AFG1L: variants seen among roughly 807,000 people sequenced by gnomAD.
AFG1L encodes AFG1-like ATPase.
AFG1L carries 53 observed loss-of-function variants against 62.2 expected under a neutral mutation model. The ratio of observed to expected loss-of-function variants is 0.85; its 90% confidence interval spans 0.68 to 1.07. The LOEUF (loss-of-function observed/expected upper bound fraction) is 1.07, where lower values mean the gene tolerates loss of function less well. Ranked by LOEUF, AFG1L falls within the 50% of genes least tolerant of loss-of-function variation. The probability of loss-of-function intolerance (pLI) is 0.00; values close to 1 mark genes in which losing one functional copy is unlikely to be tolerated. For synonymous variants in AFG1L, 228 were observed against 210.3 expected (o/e 1.08, Z -0.73); for missense variants, 555 against 590.5 (o/e 0.94, Z 0.62).
At chr6:108,455,514 T>C (rs2114768738) in intron 8 of AFG1L, among the ~76,000 whole-genome samples, 1 of 152,332 alleles carries the variant, frequency 6.6e-6, no homozygotes, top group South Asian at 2.1e-4. Flanking sequence ...ACTTTCATTA[T>C]TTCCTTTCTT....
chr6:108,302,395 A>G (rs1281176191), intron 1 of AFG1L, among the ~76,000 whole-genome samples: 1 of 152,022 alleles, frequency 6.6e-6, no homozygotes, highest in African/African-American at 2.4e-5. Context: ...AAAAATAATT[A>G]TTTTTCACAT....
chr6:108,356,794 T>C lies in AFG1L; in HGVS notation c.622T>C (p.Cys208Arg). Reference protein sequence around the residue: ...PIAEEISEEACLLCFDEFQVT... With the variant: ...PIAEEISEEARLLCFDEFQVT... ...AGCCGAAGAAATCAGCGAAGAAGCA[T>C]GTCTCCTATGTTTTGATGAATTTCA... Residue 208 changes from cysteine (C) to arginine (R), a missense_variant, in exon 5 of 13, where the codon TGT becomes CGT. Coordinates refer to ENST00000368977, the MANE Select transcript of AFG1L (RefSeq NM_145315.5). The C allele has an allele frequency of 1.2e-6, 2 of 1,613,254 alleles. No homozygotes were observed. Among genetic ancestry groups the C allele is most frequent in the Non-Finnish European group, 1.7e-6 (2 of 1,179,604 alleles).
intron 10 of AFG1L, among the ~76,000 whole-genome samples, chr6:108,479,529 G>T (rs901227084): frequency 1.3e-5 from 2 of 152,104 alleles, no homozygotes; most frequent in Non-Finnish European, 2.9e-5. Flanking sequence ...CTTTCAGGAA[G>T]GGCTAAGTTT....
intron 6 of AFG1L, among the ~76,000 whole-genome samples, chr6:108,386,272 G>A (rs550930888): frequency 9.2e-5 from 14 of 152,210 alleles, no homozygotes; most frequent in African/African-American, 3.1e-4. Context: ...GACCAGCCTG[G>A]CCAACATGGT....
chr6:108,309,381 CTG>C (rs1388144576), intron 1 of AFG1L, among the ~76,000 whole-genome samples: 1 of 152,144 alleles, frequency 6.6e-6, no homozygotes, highest in Non-Finnish European at 1.5e-5. Context: ...TGTCCTAACT[CTG>C]TAGCTTTATA....
intron 10 of AFG1L, among the ~76,000 whole-genome samples, chr6:108,501,725 G>A (rs1774213403): frequency 6.6e-6 from 1 of 152,106 alleles, no homozygotes; most frequent in African/African-American, 2.4e-5. Flanking sequence ...TCCCTGGTCT[G>A]AACTTGATCA....
rs1292889970 is a variant in AFG1L at position 108,340,525 on chromosome 6, C to T, written c.364-6463C>T. On this transcript the variant is annotated intron_variant, in intron 2 of 12. Transcript: ENST00000368977. ...GATTACAGGCGTGTGCCACCACAGC[C>T]AGCTAATATTTGTATTTTTAGTAGA... is the stretch of plus-strand genomic sequence containing the variant. Among the ~76,000 whole-genome samples the T allele has an allele frequency of 1.3e-5, 2 of 151,974 alleles. 1 individual carries two copies. Among genetic ancestry groups the T allele is most frequent in the Non-Finnish European group, 2.9e-5 (2 of 68,006 alleles).
intron 1 of AFG1L, among the ~76,000 whole-genome samples, chr6:108,302,209 C>T (rs1263737606): frequency 3.3e-5 from 5 of 152,128 alleles, no homozygotes; most frequent in Non-Finnish European, 7.4e-5. Context: ...TCCCAAAGTA[C>T]TGGGATTACA....
At chr6:108,336,445 T>G (rs1778480165) in intron 2 of AFG1L, among the ~76,000 whole-genome samples, 1 of 152,194 alleles carries the variant, frequency 6.6e-6, no homozygotes, top group Non-Finnish European at 1.5e-5. Context: ...ACGTGCTATT[T>G]CAATGTATAA....
intron 7 of AFG1L, among the ~76,000 whole-genome samples, chr6:108,417,722 T>C (rs1770381991): frequency 6.6e-6 from 1 of 152,224 alleles, no homozygotes; most frequent in Admixed American, 6.5e-5. Context: ...GTCTGTACTT[T>C]AACTTGAAAT....
intron 8 of AFG1L, among the ~76,000 whole-genome samples, chr6:108,458,611 G>A (rs570718824): frequency 4.6e-5 from 7 of 152,082 alleles, no homozygotes; most frequent in South Asian, 4.2e-4. Flanking sequence ...ACCATGCTGC[G>A]GGGGTTTCTT....
intron 2 of AFG1L, among the ~76,000 whole-genome samples, chr6:108,341,434 G>C (rs1778678609): frequency 6.6e-6 from 1 of 152,152 alleles, no homozygotes; most frequent in Admixed American, 6.6e-5. Context: ...AGTATAAACA[G>C]GTATTGGTAA....
At chr6:108,351,885 G>T (rs1252055846) in intron 3 of AFG1L, among the ~76,000 whole-genome samples, 1 of 152,050 alleles carries the variant, frequency 6.6e-6, no homozygotes, top group Admixed American at 6.5e-5. Context: ...GGGGAGAAGT[G>T]TTCAGTCTTT....
intron 3 of AFG1L, among the ~76,000 whole-genome samples, chr6:108,351,091 G>T (rs1243060239): frequency 6.6e-6 from 1 of 152,152 alleles, no homozygotes; most frequent in African/African-American, 2.4e-5. Context: ...TAAAATATGG[G>T]ATGCCTGTTT....
At chr6:108,458,847 G>A (rs754263344) in intron 8 of AFG1L, among the ~76,000 whole-genome samples, 11 of 151,362 alleles carry the variant, frequency 7.3e-5, no homozygotes, top group African/African-American at 2.4e-4. Flanking sequence ...TTATATTGTC[G>A]GGTACTGGAG....
chr6:108,347,077 GAA>G (rs749355046), intron 3 of AFG1L, 38 bp downstream of exon 3: 1 of 1,529,308 alleles, frequency 6.5e-7, no homozygotes, highest in Non-Finnish European at 9.1e-7. Context: ...GGGCAAAACA[GAA>G]AGTTTCTCAG....
chr6:108,346,650 G>C (rs560177329), intron 2 of AFG1L, among the ~76,000 whole-genome samples: 2 of 152,234 alleles, frequency 1.3e-5, no homozygotes, highest in South Asian at 4.1e-4. Flanking sequence ...TTATAGGTGT[G>C]AGCCACAGCA....
At chr6:108,421,947 T>G in intron 7 of AFG1L, among the ~76,000 whole-genome samples, 1 of 152,134 alleles carries the variant, frequency 6.6e-6, no homozygotes, top group South Asian at 2.1e-4. Context: ...ATGAAAAAGA[T>G]GCTTGCTATA....
At chr6:108,425,307 T>A (rs981245647) in intron 7 of AFG1L, among the ~76,000 whole-genome samples, 4 of 152,172 alleles carry the variant, frequency 2.6e-5, no homozygotes, top group African/African-American at 7.2e-5. Context: ...TCACACTTTT[T>A]AAAAACTGGT....
Sources: gnomAD v4.1 joint callset for allele counts (sites outside exome capture counted in the v4.1 genomes callset) on GRCh38, gnomAD v4.1.1 for gene constraint, MANE v1.5 for transcripts, NCBI Gene and HGNC (gene_info 2026-07-23, HGNC 2026-07-21) for gene names.